IL11RA: variants seen among roughly 807,000 people sequenced by gnomAD.
IL11RA encodes interleukin 11 receptor subunit alpha.
In IL11RA, 51 loss-of-function variants were observed where a neutral mutation model predicts 57.0. The observed-to-expected ratio is 0.89, with a 90% CI of 0.71 to 1.13. The LOEUF is 1.13. Among genes scored for constraint, IL11RA ranks in the 50% most tolerant of loss-of-function variants. The probability of loss-of-function intolerance (pLI) is 0.00; values close to 1 mark genes in which losing one functional copy is unlikely to be tolerated. For missense variants in IL11RA, 498 were observed against 539.4 expected, an observed-to-expected ratio of 0.92 and a Z score of 0.76; for synonymous variants, 199 against 217.5, an observed-to-expected ratio of 0.91 and a Z score of 0.75.
intron 12 of IL11RA, 90 bp from the exon 13 acceptor site, chr9:34,661,392 T>C: frequency 7.1e-7 from 1 of 1,399,628 alleles, no homozygotes; most frequent in South Asian, 1.2e-5. Flanking sequence ...AGTGTTAAGC[T>C]TAGAACTGAG....
At chr9:34,657,799 C>T (rs1260508244) in intron 7 of IL11RA, among the ~76,000 whole-genome samples, 1 of 152,236 alleles carries the variant, frequency 6.6e-6, no homozygotes, top group Non-Finnish European at 1.5e-5. Context: ...CTGCTACCCA[C>T]ACTGCCTGAT....
At position 34,657,138 on chromosome 9, in the gene IL11RA, C is replaced by T; in HGVS notation, c.435C>T (p.Leu145=). 6.2e-7 allele frequency: 1 copy of T among 1,613,666 alleles called. No homozygotes were observed. The highest frequency in any genetic ancestry group is 8.5e-7 in the Non-Finnish European group (1 of 1,179,536). The change falls in exon 5 of 13, where the codon CTC becomes CTT. Residue 145 remains leucine (L), a synonymous_variant. Transcript: ENST00000441545. ...TCAGCGGTTTACCCACCCGCTACCT[C>T]ACCTCCTACAGGTGTGTGTGTGATT... ...SQISGLPTRY[L]TSYRKKTVLG... is the part of the protein sequence containing the mutation.
chr9:34,657,152 G>A lies in IL11RA; in HGVS notation c.446+3G>A. ...ACCCGCTACCTCACCTCCTACAGGT[G>A]TGTGTGTGATTGGGTGTGGATGCCT... On this transcript the variant is annotated splice_donor_region_variant and intron_variant, in intron 5 of 12. Transcript: ENST00000441545. The A allele has an allele frequency of 6.2e-7, 1 of 1,612,870 alleles. No individual in the cohort carries two copies.
At chr9:34,655,041 CTG>C (rs1415000261) in intron 1 of IL11RA, 175 bp from the exon 2 acceptor site, 1 of 642,188 alleles carries the variant, frequency 1.6e-6, no homozygotes, top group Non-Finnish European at 2.9e-6. Context: ...ATGCAAAGCA[CTG>C]GGTATACAGT....
In IL11RA at chr9:34,658,607, C is replaced by A. The variant is rs387906786; in HGVS notation, c.734C>A (p.Ser245Tyr). Residue 245 changes from serine to tyrosine, a missense_variant, in exon 8 of 13, where the codon TCC becomes TAC. Physicochemically the swap from Ser to Tyr is moderately radical, Grantham distance 144 (BLOSUM62 -2). Transcript: ENST00000441545. This position sits in a 1 kb window ranked among gnomAD's most constrained non-coding sequence, Gnocchi z 4.0. ...RLRASWTYPA[S>Y]WPCQPHFLLK... ...CGAGCCAGCTGGACATACCCTGCCT[C>A]CTGGCCGTGCCAGCCCCACTTCCTG... 2.5e-6 allele frequency: 4 copies of A among 1,614,042 alleles called. No individual in the cohort carries two copies. The highest frequency in any genetic ancestry group is 3.4e-6 in the Non-Finnish European group (4 of 1,180,046).
chr9:34,658,780 A>C lies in IL11RA; in HGVS notation c.810+97A>C. The C allele has an allele frequency of 1.4e-6, 2 of 1,387,172 alleles. No homozygotes were observed. Among genetic ancestry groups the C allele is most frequent in the Non-Finnish European group, 2.0e-6 (2 of 991,546 alleles). The allele number at this position is 1,387,172 out of a possible 1,614,324, so 85.9% of individuals were successfully genotyped here. ...TATAGCTTTCCAGTGCTGGCAGGTC[A>C]CTGAAGACCCAACACTTCCCTGTGG... On this transcript the variant is annotated intron_variant, in intron 8 of 12. Transcript: ENST00000441545. This position sits in a 1 kb window ranked among gnomAD's most constrained non-coding sequence, Gnocchi z 4.0.
chr9:34,660,173 T>C, intron 9 of IL11RA, 101 bp from the exon 10 acceptor site: 1 of 1,562,114 alleles, frequency 6.4e-7, no homozygotes, highest in African/African-American at 1.4e-5. Context: ...CTCCTCCTCC[T>C]AGGTACCTTG....
chr9:34,661,657 A>G lies in IL11RA; in HGVS notation c.*159A>G. 1.2e-6 allele frequency: 1 copy of G among 846,674 alleles called. No homozygotes were observed. Among genetic ancestry groups the G allele is most frequent in the Non-Finnish European group, 2.0e-6 (1 of 506,890 alleles). The allele number at this position is 846,674 out of a possible 1,614,324, so 52.4% of individuals were successfully genotyped here. ...CCCTGTATTTCAAATTTGCAGCTGA[A>G]AGGTGCTTGTACCTCTGATTTCACC... On this transcript the variant is annotated 3_prime_UTR_variant, in exon 13 of 13. Coordinates refer to ENST00000441545, the MANE Select transcript of IL11RA (RefSeq NM_001142784.3).
At position 34,659,746 on chromosome 9, in the gene IL11RA, T is replaced by C; in HGVS notation, c.811-13T>C. 3 of 1,614,060 alleles carry C rather than the reference T, an allele frequency of 1.9e-6. No individual in the cohort carries two copies. Among genetic ancestry groups the C allele is most frequent in the Non-Finnish European group, 1.7e-6 (2 of 1,179,982 alleles). On this transcript the variant is annotated splice_polypyrimidine_tract_variant and intron_variant, in intron 8 of 12. Transcript: ENST00000441545. ...TTACAAGCTGGGTAACAGTGAGTCA[T>C]GTTTACCCCCAGGTGGAGCCAGCTG... is the stretch of plus-strand genomic sequence containing the variant.
chr9:34,655,730 A>G (rs559316824), intron 3 of IL11RA, 65 bp downstream of exon 3: 7 of 1,411,938 alleles, frequency 5.0e-6, no homozygotes, highest in Non-Finnish European at 7.0e-6. Context: ...CCTAGTCCTC[A>G]TGTCCCGCCC....
At chr9:34,657,209 G>A (rs961819228) in intron 5 of IL11RA, 60 bp downstream of exon 5, 43 of 1,605,650 alleles carry the variant, frequency 2.7e-5, no homozygotes, top group Non-Finnish European at 2.6e-6. Context: ...CAATGTGGGT[G>A]TGGGAGGCAG....
At position 34,656,858 on chromosome 9, in the gene IL11RA, G is replaced by A. The variant is rs369630361; in HGVS notation, c.281G>A (p.Cys94Tyr). ...AGCACTGATGAGGGCACCTACATCT[G>A]CCAGACCCTGGATGGTGCACTTGGG... is the stretch of plus-strand genomic sequence containing the variant. Reference protein sequence around the residue: ...ADSTDEGTYICQTLDGALGGT... With the variant: ...ADSTDEGTYIYQTLDGALGGT... The change falls in exon 4 of 13, where the codon TGC (cysteine) becomes TAC (tyrosine). Residue 94 changes from cysteine to tyrosine, a missense_variant. Physicochemically the swap from Cys to Tyr is radical, Grantham distance 194 (BLOSUM62 -2). Transcript: ENST00000441545. 2 of 1,614,040 alleles carry A rather than the reference G, an allele frequency of 1.2e-6. No individual in the cohort carries two copies. Among genetic ancestry groups the A allele is most frequent in the Non-Finnish European group, 1.7e-6 (2 of 1,180,028 alleles).
intron 3 of IL11RA, among the ~76,000 whole-genome samples, chr9:34,656,305 A>ACAGGCGTGAGCCACCG (rs1821342539): frequency 6.6e-6 from 1 of 152,174 alleles, no homozygotes; most frequent in Non-Finnish European, 1.5e-5. Flanking sequence ...GTGCTAGATT[A>ACAGGCGTGAGCCACCG]CAGGCGTGAG....
intron 1 of IL11RA, among the ~76,000 whole-genome samples, chr9:34,654,205 T>A (rs529050372): frequency 3.9e-5 from 6 of 152,028 alleles, no homozygotes; most frequent in Admixed American, 2.6e-4. Context: ...ACCACTGCCT[T>A]CCTCCTTCTG....
In IL11RA at chr9:34,656,776, C is replaced by T. The variant is rs1453043652; in HGVS notation, c.199C>T (p.Leu67=). The T allele has an allele frequency of 2.0e-5, 32 of 1,614,084 alleles. No homozygotes were observed. The highest frequency in any genetic ancestry group is 2.7e-5 in the Non-Finnish European group (32 of 1,180,044). The stretch of plus-strand genomic sequence containing the variant: ...CTGGTTTCGGGATGGGGAGCCAAAG[C>T]TGCTCCAGGGACCTGACTCTGGGCT... The part of the protein sequence containing the change: ...VSWFRDGEPK[L]LQGPDSGLGH... The change falls in exon 4 of 13, where the codon CTG becomes TTG. Residue 67 remains leucine, a synonymous_variant. Coordinates refer to ENST00000441545, the MANE Select transcript of IL11RA (RefSeq NM_001142784.3).
chr9:34,658,405 C>T lies in IL11RA; in HGVS notation c.647-115C>T, dbSNP rs1821387203. ...AATGGATGATCAAGTTTAAGATTTC[C>T]CCTCCCCTCTCAGGAGTGTCTGGCT... On this transcript the variant is annotated intron_variant, in intron 7 of 12. Transcript: ENST00000441545. This position sits in a 1 kb window ranked among gnomAD's most constrained non-coding sequence, Gnocchi z 4.0. 9.4e-7 allele frequency: 1 copy of T among 1,061,814 alleles called. No homozygotes were observed. The highest frequency in any genetic ancestry group is 1.3e-5 in the South Asian group (1 of 77,992). 65.8% of individuals were successfully genotyped at this position (1,061,814 alleles called of 1,614,324 possible). A position where few individuals can be genotyped will look rare whatever the true frequency, so the allele number is the denominator to read the frequency against.
Position 34,658,993 on chromosome 9 carries a change from C to T in IL11RA, c.810+310C>T, listed in dbSNP as rs1284130743. 2.0e-5 allele frequency among the ~76,000 whole-genome samples: 3 copies of T among 152,064 alleles called. No individual in the cohort carries two copies. Among genetic ancestry groups the T allele is most frequent in the Non-Finnish European group, 2.9e-5 (2 of 68,018 alleles). On this transcript the variant is annotated intron_variant, in intron 8 of 12. Coordinates refer to ENST00000441545, the MANE Select transcript of IL11RA (RefSeq NM_001142784.3). The surrounding 1 kb of genome is among the most constrained non-coding windows in gnomAD (Gnocchi z 4.0). The stretch of plus-strand genomic sequence containing the variant: ...AGGCTGGAGTGCAGTGGTGCAATCT[C>T]GGCTAACTGCAACCTCCACCTCCTG...
rs760344867 is a variant in IL11RA, at chr9:34,653,358, A to G, written c.-1+1125A>G. 8.3e-4 allele frequency among the ~76,000 whole-genome samples: 126 copies of G among 152,200 alleles called. No individual in the cohort carries two copies. The highest frequency in any genetic ancestry group is 1.6e-3 in the Non-Finnish European group (106 of 68,010). On this transcript the variant is annotated intron_variant, in intron 1 of 12. Coordinates refer to ENST00000441545, the MANE Select transcript of IL11RA (RefSeq NM_001142784.3). The surrounding 1 kb of genome is among the most constrained non-coding windows in gnomAD (Gnocchi z 4.5). ...GGTCTTGTGTATCTGGCACCAAGGG[A>G]CCAAAGGCATTTCCTGGTGCTGGGG...
At chr9:34,661,050 G>A (rs943636770) in intron 12 of IL11RA, 114 bp downstream of exon 12, 1 of 879,454 alleles carries the variant, frequency 1.1e-6, no homozygotes, top group African/African-American at 1.6e-5. Context: ...ATCCAAGTTG[G>A]GTCTCCTCAT....
Sources: gnomAD v4.1 joint callset for allele counts (sites outside exome capture counted in the v4.1 genomes callset) on GRCh38, gnomAD v4.1.1 for gene constraint, Gnocchi (gnomAD v3.1) non-coding constraint, MANE v1.5 for transcripts, NCBI Gene and HGNC (gene_info 2026-07-23, HGNC 2026-07-21) for gene names.